EIF2AK4: variants seen among roughly 807,000 people sequenced by gnomAD.
EIF2AK4 encodes eukaryotic translation initiation factor 2 alpha kinase 4, also known as eIF-2-alpha kinase GCN2.
Under a neutral mutation model 211.1 loss-of-function variants are expected in EIF2AK4, and 139 were observed. The ratio of observed to expected loss-of-function variants is 0.66; its 90% CI spans 0.57 to 0.76. The LOEUF (loss-of-function observed/expected upper bound fraction) is 0.76, where lower values mean the gene tolerates loss of function less well. Among genes scored for constraint, EIF2AK4 ranks in the 30% least tolerant of loss-of-function variants. The pLI, the probability that EIF2AK4 is intolerant of heterozygous loss-of-function variation, is 0.00. For synonymous variants in EIF2AK4, 710 were observed against 751.3 expected (o/e 0.94, Z 0.90); for missense variants, 1,664 against 2,043.8 (o/e 0.81, Z 3.58).
chr15:40,011,909 G>C (rs991039490), intron 27 of EIF2AK4, among the ~76,000 whole-genome samples: 11 of 152,234 alleles, frequency 7.2e-5, no homozygotes, highest in African/African-American at 2.4e-4. Flanking sequence ...GTAGGCATCA[G>C]ATTGATCCCA....
Position 40,034,288 on chromosome 15 carries a change from A to G in EIF2AK4, c.4774-38A>G, listed in dbSNP as rs1214312675. On this transcript the variant is annotated intron_variant, in intron 37 of 38. Coordinates refer to ENST00000263791, the MANE Select transcript of EIF2AK4 (RefSeq NM_001013703.4). ...CAGAAAAAACCAGCTAGTAAACCCT[A>G]GAGACCTGTTGTTAAGTCTTATCTA... 21 of 1,550,978 alleles carry G rather than the reference A, an allele frequency of 1.4e-5. 1 individual carries two copies. In the Middle Eastern group the frequency reaches 5.0e-4, roughly 37 times the overall value.
chr15:40,008,913 G>A (rs370634360), intron 25 of EIF2AK4, among the ~76,000 whole-genome samples: 3 of 152,196 alleles, frequency 2.0e-5, no homozygotes, highest in East Asian at 1.9e-4. Context: ...CTCACCACTC[G>A]GTGAATACTC....
Position 39,976,708 on chromosome 15 carries a change from C to G in EIF2AK4, c.2113C>G (p.Leu705Val). 1 of 1,602,210 alleles carries G rather than the reference C, an allele frequency of 6.2e-7. No individual in the cohort carries two copies. The change falls in exon 12 of 39, where the codon CTC (leucine) becomes GTC (valine). Residue 705 changes from leucine (L) to valine (V), a missense_variant. Around this residue, in one of 7 missense-constraint regions of EIF2AK4, gnomAD observed 206 missense variants for 201.9 expected, o/e 1.02. Transcript: ENST00000263791. Reference protein sequence around the residue: ...SVEAAAPPPILSSSVEWSTSG... With the variant: ...SVEAAAPPPIVSSSVEWSTSG... ...AGAGGCCGCCGCGCCGCCACCCATC[C>G]TCAGCAGCTCGGTGGAGTGGAGCAC...
At chr15:39,964,466 C>T (rs1036876487) in intron 7 of EIF2AK4, among the ~76,000 whole-genome samples, 5 of 152,074 alleles carry the variant, frequency 3.3e-5, no homozygotes, top group East Asian at 1.9e-4. Flanking sequence ...ACATTGGGGT[C>T]GGGGTGCTAT....
chr15:39,972,232 G>A (rs1031479239), intron 9 of EIF2AK4, among the ~76,000 whole-genome samples: 1 of 151,726 alleles, frequency 6.6e-6, no homozygotes. Context: ...GGTGGTGCCT[G>A]CCTGTAGTCC....
chr15:39,992,440 T>C (rs2034956437), intron 17 of EIF2AK4: 1 of 535,244 alleles, frequency 1.9e-6, no homozygotes. Flanking sequence ...CTTCAGTGAG[T>C]AGAATAATTG....
intron 34 of EIF2AK4, 24 bp from the exon 35 acceptor site, chr15:40,030,335 A>C: frequency 6.2e-7 from 1 of 1,611,368 alleles, no homozygotes; most frequent in Non-Finnish European, 8.5e-7. Context: ...AAGGCCATAA[A>C]TTCTGAAACT....
At chr15:40,014,845 T>C (rs557296347) in intron 27 of EIF2AK4, among the ~76,000 whole-genome samples, 30 of 152,284 alleles carry the variant, frequency 2.0e-4, no homozygotes, top group Non-Finnish European at 4.3e-4. Flanking sequence ...AACTGAATGG[T>C]CTTAACAGCA....
At position 40,014,597 on chromosome 15, in the gene EIF2AK4, C is replaced by T. The variant is rs532422937; in HGVS notation, c.3760-1905C>T. On this transcript the variant is annotated intron_variant, in intron 27 of 38. Coordinates refer to ENST00000263791, the MANE Select transcript of EIF2AK4 (RefSeq NM_001013703.4). ...GGAGGGGGGCCCTGGGGCCAGCCCACGAAACCATTTTTTCCTCCTAGGCCT... is the reference window on the plus strand; with the variant it reads ...GGAGGGGGGCCCTGGGGCCAGCCCATGAAACCATTTTTTCCTCCTAGGCCT... 5.3e-5 allele frequency among the ~76,000 whole-genome samples: 8 copies of T among 152,360 alleles called. No individual in the cohort carries two copies. The East Asian group carries it at 1.2e-3, about 22-fold the overall frequency.
chr15:40,031,924 C>T (rs1052542584), intron 35 of EIF2AK4, among the ~76,000 whole-genome samples: 7 of 152,196 alleles, frequency 4.6e-5, no homozygotes, highest in Non-Finnish European at 7.3e-5. Context: ...CGGGGTTTCA[C>T]CATGTTGGCC....
intron 7 of EIF2AK4, among the ~76,000 whole-genome samples, chr15:39,963,554 AT>A (rs1159026397): frequency 2.0e-5 from 3 of 152,182 alleles, no homozygotes; most frequent in African/African-American, 7.2e-5. Flanking sequence ...TTAACTACTA[AT>A]TTTTTTATTT....
chr15:39,942,678 A>T (rs2034162094), intron 2 of EIF2AK4, among the ~76,000 whole-genome samples: 1 of 152,168 alleles, frequency 6.6e-6, no homozygotes, highest in Non-Finnish European at 1.5e-5. Flanking sequence ...AATGTCCTTG[A>T]GTTGAAAGTG....
chr15:40,020,463 C>T (rs1375630008), intron 30 of EIF2AK4: 1 of 150,374 alleles, frequency 6.7e-6, no homozygotes, highest in Non-Finnish European at 1.5e-5. Flanking sequence ...GCCTGGCCAA[C>T]AAGCAGAACA....
At chr15:40,002,677 G>T (rs757086848) in intron 21 of EIF2AK4, 36 bp from the exon 22 acceptor site, 3 of 1,605,830 alleles carry the variant, frequency 1.9e-6, no homozygotes, top group African/African-American at 2.7e-5. Context: ...CTTTGATAAG[G>T]CTTCAATGAT....
chr15:39,936,630 C>A (rs1393198787), intron 1 of EIF2AK4, among the ~76,000 whole-genome samples: 1 of 152,122 alleles, frequency 6.6e-6, no homozygotes, highest in Non-Finnish European at 1.5e-5. Flanking sequence ...CCAGGCTGGT[C>A]TCGAATTCCT....
chr15:39,978,608 G>A (rs980963857), intron 13 of EIF2AK4, among the ~76,000 whole-genome samples: 3 of 152,158 alleles, frequency 2.0e-5, no homozygotes, highest in African/African-American at 7.2e-5. Flanking sequence ...ATCCTATAAT[G>A]CAGGGGTGTC....
At position 39,973,014 on chromosome 15, in the gene EIF2AK4, G is replaced by A; in HGVS notation, c.1660G>A (p.Asp554Asn). Reference sequence around the variant, plus strand: ...GCCTCTAGTGGAACAAAGTCCTGAAGGTGAGTCTGTTACCTTTCTTTATTT... The same window carrying A: ...GCCTCTAGTGGAACAAAGTCCTGAAAGTGAGTCTGTTACCTTTCTTTATTT... Reference protein sequence around the residue: ...KMPLVEQSPEDSEGQDYVETV... With the variant: ...KMPLVEQSPENSEGQDYVETV... Residue 554 changes from aspartate to asparagine, a missense_variant and splice_region_variant, in exon 10 of 39, where the codon GAT becomes AAT. Physicochemically the swap from Asp to Asn is conservative, Grantham distance 23. This residue lies in a region of EIF2AK4 where 641 missense variants were observed against 729.6 expected (regional missense o/e 0.88). Transcript: ENST00000263791. 1 of 1,612,534 alleles carries A rather than the reference G, an allele frequency of 6.2e-7. No homozygotes were observed. The highest frequency in any genetic ancestry group is 8.5e-7 in the Non-Finnish European group (1 of 1,178,598).
intron 33 of EIF2AK4, among the ~76,000 whole-genome samples, chr15:40,028,205 T>C (rs527424923): frequency 6.6e-6 from 1 of 152,188 alleles, no homozygotes; most frequent in East Asian, 1.9e-4. Context: ...CCTGAGTAGC[T>C]GGGACCGTAG....
chr15:39,992,480 C>A (rs2034957052), intron 17 of EIF2AK4: 5 of 539,946 alleles, frequency 9.3e-6, no homozygotes, highest in Non-Finnish European at 1.6e-5. Context: ...TTTATTTTGT[C>A]TAACCTCCAT....
Sources: allele counts gnomAD v4.1 joint callset (sites outside exome capture counted in the v4.1 genomes callset), GRCh38; gene constraint gnomAD v4.1.1; regional missense constraint gnomAD v4.1.1; transcripts MANE v1.5; gene names NCBI Gene and HGNC (gene_info 2026-07-23, HGNC 2026-07-21).